Variants in ULK4 observed in about 807,000 individuals in gnomAD.
ULK4 encodes the protein unc-51 like kinase 4, also known as inactive serine/threonine-protein kinase ULK4.
Under a neutral mutation model 160.6 loss-of-function variants are expected in ULK4, and 133 were observed. That is an observed-to-expected ratio of 0.83 (90% CI 0.72 to 0.96). ULK4 has a LOEUF of 0.96. ULK4 is among the 40% of genes least tolerant of loss of function. ULK4 has a pLI of 0.00. For missense variants in ULK4, 1,580 were observed against 1,499.5 expected, an observed-to-expected ratio of 1.05 and a Z score of -0.89; for synonymous variants, 534 against 539.8, an observed-to-expected ratio of 0.99 and a Z score of 0.15.
At chr3:41,703,767 A>G (rs2036763556) in intron 27 of ULK4, among the ~76,000 whole-genome samples, 1 of 151,886 alleles carries the variant, frequency 6.6e-6, no homozygotes, top group African/African-American at 2.4e-5. Flanking sequence ...CCAAAGTAGA[A>G]CTGAGCTAAT....
chr3:41,799,258 G>T (rs1202576791), intron 20 of ULK4, among the ~76,000 whole-genome samples: 2 of 152,116 alleles, frequency 1.3e-5, no homozygotes, highest in African/African-American at 4.8e-5. Flanking sequence ...TCATAGGAGA[G>T]AGGGTTATAT....
At chr3:41,650,650 G>C (rs2034703534) in intron 30 of ULK4, among the ~76,000 whole-genome samples, 1 of 152,362 alleles carries the variant, frequency 6.6e-6, no homozygotes, top group East Asian at 1.9e-4. Flanking sequence ...GGCAGGCATA[G>C]GATCCAGGCT....
intron 19 of ULK4, among the ~76,000 whole-genome samples, chr3:41,806,308 T>C (rs990330009): frequency 6.6e-6 from 1 of 152,050 alleles, no homozygotes; most frequent in African/African-American, 2.4e-5. Flanking sequence ...GTAGTTTGTA[T>C]TTCTGTGGGA....
intron 32 of ULK4, among the ~76,000 whole-genome samples, chr3:41,464,006 T>TAAAA (rs11395404): frequency 6.9e-6 from 1 of 144,590 alleles, no homozygotes; most frequent in African/African-American, 2.5e-5. Flanking sequence ...TCAGATGTTC[T>TAAAA]AAAAAAAAAA....
intron 22 of ULK4, among the ~76,000 whole-genome samples, chr3:41,726,370 GT>G (rs2037652530): frequency 6.6e-6 from 1 of 152,170 alleles, no homozygotes; most frequent in Admixed American, 6.5e-5. Flanking sequence ...CACAGCTACA[GT>G]AGAATAAACT....
rs966916013 is a variant in ULK4 at position 41,263,405 on chromosome 3, T to G, written c.3679-13831A>C. 2.6e-5 allele frequency among the ~76,000 whole-genome samples: 4 copies of G among 152,098 alleles called. No individual in the cohort carries two copies. The South Asian group carries it at 6.2e-4, about 24-fold the overall frequency. Reference sequence around the variant, plus strand: ...CAGGGCCTGTTTCCAGCCCCTTCTCTGAACCTCCCACTGGATGGAGGGAAG... The same window carrying G: ...CAGGGCCTGTTTCCAGCCCCTTCTCGGAACCTCCCACTGGATGGAGGGAAG... On this transcript the variant is annotated intron_variant, in intron 35 of 36. Transcript: ENST00000301831.
intron 35 of ULK4, among the ~76,000 whole-genome samples, chr3:41,287,758 C>T (rs1298873746): frequency 6.6e-6 from 1 of 152,176 alleles, no homozygotes; most frequent in African/African-American, 2.4e-5. Flanking sequence ...ACCCTCCTAG[C>T]ATGATATTAA....
rs968324244 is a variant in ULK4, at chr3:41,302,261, A to G, written c.3679-52687T>C. On this transcript the variant is annotated intron_variant, in intron 35 of 36. Coordinates refer to ENST00000301831, the MANE Select transcript of ULK4 (RefSeq NM_017886.4). ...CATTGCCTCTGATAATTGCCTTTGAAATGTGCTTAACTTTTCTATCAAAGA... is the reference window on the plus strand; with the variant it reads ...CATTGCCTCTGATAATTGCCTTTGAGATGTGCTTAACTTTTCTATCAAAGA... 3.9e-5 allele frequency among the ~76,000 whole-genome samples: 6 copies of G among 152,356 alleles called. No homozygotes were observed. In the South Asian group the frequency reaches 1.0e-3, roughly 26 times the overall value.
At chr3:41,485,449 G>A (rs2084491474) in intron 32 of ULK4, among the ~76,000 whole-genome samples, 2 of 152,182 alleles carry the variant, frequency 1.3e-5, no homozygotes, top group Admixed American at 6.5e-5. Flanking sequence ...AATAAGAAGG[G>A]AGAGAAAATT....
intron 22 of ULK4, among the ~76,000 whole-genome samples, chr3:41,737,212 C>T (rs1323409662): frequency 2.0e-5 from 3 of 151,936 alleles, no homozygotes; most frequent in Admixed American, 1.3e-4. Flanking sequence ...CATTCTTATA[C>T]ACCAATAACA....
chr3:41,401,062 A>G (rs766017671), intron 34 of ULK4, among the ~76,000 whole-genome samples: 2 of 152,096 alleles, frequency 1.3e-5, no homozygotes, highest in Non-Finnish European at 2.9e-5. Context: ...AGTTTTGCAA[A>G]TATTTTCTCC....
Position 41,493,109 on chromosome 3 carries a change from A to T in ULK4, c.3227-29856T>A, listed in dbSNP as rs1161874771. On this transcript the variant is annotated intron_variant, in intron 32 of 36. Transcript: ENST00000301831. ...GACATCTACAGAACTCTCTACCCCA[A>T]ATCAACAGAATATACATTTTTTTCA... Among the ~76,000 whole-genome samples the T allele has an allele frequency of 2.5e-3, 289 of 117,546 alleles. 8 individuals carry two copies. The highest frequency in any genetic ancestry group is 8.5e-3 in the African/African-American group (275 of 32,264). The allele number at this position is 117,546 out of a possible 152,430, so 77.1% of individuals were successfully genotyped here.
chr3:41,557,388 A>G (rs1253842448), intron 32 of ULK4, among the ~76,000 whole-genome samples: 2 of 151,876 alleles, frequency 1.3e-5, no homozygotes, highest in African/African-American at 4.8e-5. Context: ...AATCACCTAA[A>G]AACTATTAAT....
In ULK4 at chr3:41,717,573, G is replaced by A. The variant is rs114402783; in HGVS notation, c.2455+155C>T. Among the ~76,000 whole-genome samples, 1,101 of 152,254 alleles carry A rather than the reference G, an allele frequency of 7.2e-3. 17 individuals are homozygous for A. Among genetic ancestry groups the A allele is most frequent in the African/African-American group, 0.026 (1,070 of 41,556 alleles). On this transcript the variant is annotated intron_variant, in intron 23 of 36. Transcript: ENST00000301831. ...CAAAATAATTACAAAAACAGATAAAGCAAATTTAAATCTTGAAACTACATA... is the reference window on the plus strand; with the variant it reads ...CAAAATAATTACAAAAACAGATAAAACAAATTTAAATCTTGAAACTACATA...
At chr3:41,935,205 A>T (rs867542058) in intron 4 of ULK4, among the ~76,000 whole-genome samples, 12 of 1,958 alleles carry the variant, frequency 6.1e-3, no homozygotes, top group African/African-American at 7.9e-3. Flanking sequence ...TTATTTATTT[A>T]TTTATTTTTT....
chr3:41,622,259 C>G (rs2033280909), intron 30 of ULK4, among the ~76,000 whole-genome samples: 1 of 151,884 alleles, frequency 6.6e-6, no homozygotes, highest in South Asian at 2.1e-4. Context: ...GGTATATACC[C>G]AAAGGATTGT....
intron 15 of ULK4, 87 bp downstream of exon 15, chr3:41,896,735 A>G: frequency 5.0e-6 from 7 of 1,400,354 alleles, no homozygotes; most frequent in Middle Eastern, 2.6e-4. Flanking sequence ...TTTTTGTGGT[A>G]GTTAAATCAA....
intron 35 of ULK4, among the ~76,000 whole-genome samples, chr3:41,250,277 G>T (rs1336279719): frequency 2.6e-5 from 4 of 152,106 alleles, no homozygotes; most frequent in African/African-American, 9.7e-5. Flanking sequence ...AGAAGAGAAG[G>T]CTTTGATTCT....
rs146906427 is a variant in ULK4 at position 41,832,036 on chromosome 3, A to C, written c.1764+3828T>G. Among the ~76,000 whole-genome samples the C allele has an allele frequency of 3.3e-4, 50 of 152,278 alleles. No individual in the cohort carries two copies. The East Asian group carries it at 9.3e-3, about 28-fold the overall frequency. On this transcript the variant is annotated intron_variant, in intron 18 of 36. Coordinates refer to ENST00000301831, the MANE Select transcript of ULK4 (RefSeq NM_017886.4). ...CATGTGCATATGTCTTTATAGTAGAATGATCTATATTCCTTTGGGTTTATA... is the reference window on the plus strand; with the variant it reads ...CATGTGCATATGTCTTTATAGTAGACTGATCTATATTCCTTTGGGTTTATA...
Sources: gnomAD v4.1 joint callset for allele counts (sites outside exome capture counted in the v4.1 genomes callset) on GRCh38, gnomAD v4.1.1 for gene constraint, MANE v1.5 for transcripts, NCBI Gene and HGNC (gene_info 2026-07-23, HGNC 2026-07-21) for gene names.